CUX2: variants seen among roughly 807,000 people sequenced by gnomAD.
CUX2 encodes the protein homeobox protein cut-like 2.
CUX2 carries 40 observed loss-of-function variants against 144.8 expected under a neutral mutation model. The observed-to-expected ratio is 0.28, with a 90% confidence interval of 0.21 to 0.36. The LOEUF (loss-of-function observed/expected upper bound fraction) is 0.36, where lower values mean the gene tolerates loss of function less well. Among genes scored for constraint, CUX2 ranks in the 10% least tolerant of loss-of-function variants. The pLI is 1.00. For missense variants in CUX2, 1,615 were observed against 1,994.0 expected (o/e 0.81, Z 3.62); for synonymous variants, 827 against 875.6 (o/e 0.94, Z 0.98).
intron 3 of CUX2, among the ~76,000 whole-genome samples, chr12:111,245,609 G>A (rs2136267087): frequency 6.6e-6 from 1 of 152,226 alleles, no homozygotes; most frequent in Non-Finnish European, 1.5e-5. Flanking sequence ...AACAGAGCGA[G>A]ACCCTGTCTC....
intron 1 of CUX2, among the ~76,000 whole-genome samples, chr12:111,139,825 C>T (rs1477463879): frequency 6.6e-6 from 1 of 152,170 alleles, no homozygotes; most frequent in Non-Finnish European, 1.5e-5. Context: ...AGGTGGTGGA[C>T]CCACCTTCAC....
rs536847299 is a variant in CUX2, at chr12:111,293,401, T to C, written c.437-45T>C. The C allele has an allele frequency of 8.3e-6, 13 of 1,571,962 alleles. No homozygotes were observed. The African/African-American group carries it at 1.4e-4, about 16-fold the overall frequency. Reference sequence around the variant, plus strand: ...ACAGAAAGCGGCTCTGGCTGCCACGTTGCTCTCTTGGCAATGGGGGTTTTC... The same window carrying C: ...ACAGAAAGCGGCTCTGGCTGCCACGCTGCTCTCTTGGCAATGGGGGTTTTC... On this transcript the variant is annotated intron_variant, in intron 5 of 21. Coordinates refer to ENST00000261726, the MANE Select transcript of CUX2 (RefSeq NM_015267.4). This position sits in a 1 kb window ranked among gnomAD's most constrained non-coding sequence, Gnocchi z 4.5.
chr12:111,188,564 G>T (rs1404442203), intron 1 of CUX2, among the ~76,000 whole-genome samples: 2 of 152,168 alleles, frequency 1.3e-5, no homozygotes, highest in Non-Finnish European at 2.9e-5. Context: ...CCAGGCATGG[G>T]AACAGCAGGT....
At chr12:111,261,272 G>A (rs972306877) in intron 3 of CUX2, among the ~76,000 whole-genome samples, 3 of 152,162 alleles carry the variant, frequency 2.0e-5, no homozygotes, top group South Asian at 2.1e-4. Context: ...GCAGCCATTC[G>A]GTGATTGATG....
rs186973778 is a variant in CUX2 at position 111,297,598 on chromosome 12, A to G, written c.705-943A>G. Among the ~76,000 whole-genome samples the G allele has an allele frequency of 7.9e-4, 120 of 152,286 alleles. 3 individuals carry two copies. The highest frequency in any genetic ancestry group is 2.7e-3 in the African/African-American group (112 of 41,558). On this transcript the variant is annotated intron_variant, in intron 8 of 21. Transcript: ENST00000261726. ...CTCCAATCCTCAGGGGCTGAGAGGC[A>G]TTCACCTAAATTACTCTGGACTCAA...
At chr12:111,303,737 G>C (rs1886433283) in intron 9 of CUX2, among the ~76,000 whole-genome samples, 1 of 152,190 alleles carries the variant, frequency 6.6e-6, no homozygotes. Context: ...CACCTTTGCA[G>C]ATGCCGTGTC....
intron 3 of CUX2, among the ~76,000 whole-genome samples, chr12:111,250,222 TAC>T (rs1270334527): frequency 6.6e-6 from 1 of 152,130 alleles, no homozygotes; most frequent in Non-Finnish European, 1.5e-5. Flanking sequence ...TGTTCTGAAT[TAC>T]CCAAAATGGA....
At chr12:111,328,580 TTGTGTGTGTGTGTGTG>T (rs568983449) in intron 18 of CUX2, among the ~76,000 whole-genome samples, 25 of 135,852 alleles carry the variant, frequency 1.8e-4, no homozygotes, top group African/African-American at 5.0e-4. Context: ...CCAATTTCTT[TTGTGTGTGTGTGTGTG>T]TGTGTGTGTG....
At position 111,312,763 on chromosome 12, in the gene CUX2, C is replaced by T. The variant is rs1886970876; in HGVS notation, c.2002+562C>T. On this transcript the variant is annotated intron_variant, in intron 16 of 21. Transcript: ENST00000261726. This position sits in a 1 kb window ranked among gnomAD's most constrained non-coding sequence, Gnocchi z 4.3. ...CTACAGGCCCTACAGTCTTCAGGCC[C>T]CTCCATGCCTGTCACATGAACTGTT... 6.6e-6 allele frequency among the ~76,000 whole-genome samples: 1 copy of T among 152,150 alleles called. No homozygotes were observed. Among genetic ancestry groups the T allele is most frequent in the South Asian group, 2.1e-4 (1 of 4,828 alleles).
chr12:111,152,305 A>T (rs1206032297), intron 1 of CUX2, among the ~76,000 whole-genome samples: 2 of 152,016 alleles, frequency 1.3e-5, no homozygotes, highest in Non-Finnish European at 2.9e-5. Context: ...AATAAATAAA[A>T]TAAATAAATA....
Position 111,338,335 on chromosome 12 carries a change from G to A in CUX2, c.3246G>A (p.Val1082=). 6.2e-7 allele frequency: 1 copy of A among 1,614,018 alleles called. No individual in the cohort carries two copies. Among genetic ancestry groups the A allele is most frequent in the Non-Finnish European group, 8.5e-7 (1 of 1,179,990 alleles). ...ESILGLTQGS[V]SDLLSRPKPW... ...TCCTGGGTCTGACACAGGGCTCCGT[G>A]TCTGACCTGCTGTCCCGGCCCAAAC... The change falls in exon 20 of 22, where the codon GTG becomes GTA. Residue 1082 remains valine (V), a synonymous_variant. Coordinates refer to ENST00000261726, the MANE Select transcript of CUX2 (RefSeq NM_015267.4).
In CUX2 at chr12:111,068,863, T is replaced by C. The variant is rs1706192554; in HGVS notation, c.63+34623T>C. Among the ~76,000 whole-genome samples, 2 of 152,084 alleles carry C rather than the reference T, an allele frequency of 1.3e-5. No homozygotes were observed. The highest frequency in any genetic ancestry group is 2.1e-4 in the South Asian group (1 of 4,828). On this transcript the variant is annotated intron_variant, in intron 1 of 21. Transcript: ENST00000261726. This position sits in a 1 kb window ranked among gnomAD's most constrained non-coding sequence, Gnocchi z 4.9. ...GCTCATGCCTGTCATCCCAGCACTTTGGGAGGCCGAGGCGGGTGGATCATT... is the reference window on the plus strand; with the variant it reads ...GCTCATGCCTGTCATCCCAGCACTTCGGGAGGCCGAGGCGGGTGGATCATT...
chr12:111,089,780 A>G (rs1872453070), intron 1 of CUX2, among the ~76,000 whole-genome samples: 1 of 152,236 alleles, frequency 6.6e-6, no homozygotes. Context: ...GGGGAACTGT[A>G]ACCAGAGCAT....
chr12:111,209,319 G>A (rs751085273), intron 1 of CUX2, among the ~76,000 whole-genome samples: 1 of 152,172 alleles, frequency 6.6e-6, no homozygotes, highest in African/African-American at 2.4e-5. Flanking sequence ...ACCTGAGCCT[G>A]GGAAGTGAAG....
chr12:111,286,135 G>C (rs577942614), intron 4 of CUX2, among the ~76,000 whole-genome samples: 1 of 152,288 alleles, frequency 6.6e-6, no homozygotes, highest in South Asian at 2.1e-4. Context: ...ACCCTGTCCC[G>C]AGTTCCACAG....
At chr12:111,040,114 C>G (rs1869664762) in intron 1 of CUX2, among the ~76,000 whole-genome samples, 1 of 151,250 alleles carries the variant, frequency 6.6e-6, no homozygotes, top group South Asian at 2.1e-4. Context: ...TAGTGATACC[C>G]CTTCTCTACA....
intron 1 of CUX2, among the ~76,000 whole-genome samples, chr12:111,119,074 A>T (rs954030928): frequency 6.6e-6 from 1 of 152,252 alleles, no homozygotes; most frequent in African/African-American, 2.4e-5. Context: ...AGTTTTCCCA[A>T]CAATAATCTG....
intron 1 of CUX2, among the ~76,000 whole-genome samples, chr12:111,123,993 G>C (rs1457809487): frequency 1.3e-5 from 2 of 152,206 alleles, no homozygotes; most frequent in African/African-American, 4.8e-5. Context: ...TCTAGATGCA[G>C]TGAAAGTCAC....
At chr12:111,153,951 G>A (rs1470196789) in intron 1 of CUX2, among the ~76,000 whole-genome samples, 1 of 152,050 alleles carries the variant, frequency 6.6e-6, no homozygotes, top group Non-Finnish European at 1.5e-5. Context: ...CCACCTTCAC[G>A]TTCATTTCTT....
Sources: gnomAD v4.1 joint callset for allele counts (sites outside exome capture counted in the v4.1 genomes callset) on GRCh38, gnomAD v4.1.1 for gene constraint, Gnocchi (gnomAD v3.1) non-coding constraint, MANE v1.5 for transcripts, NCBI Gene and HGNC (gene_info 2026-07-23, HGNC 2026-07-21) for gene names.